The following GULP1 variants were observed in gnomAD, a reference collection of about 807,000 sequenced individuals.
GULP1 encodes the protein PTB domain-containing engulfment adapter protein 1.
Under a neutral mutation model 40.9 loss-of-function variants are expected in GULP1, and 19 were observed. The ratio of observed to expected loss-of-function variants is 0.46; its 90% CI spans 0.32 to 0.68. The LOEUF is 0.68. Among genes scored for constraint, GULP1 ranks in the 30% least tolerant of loss-of-function variants. The pLI, the probability that GULP1 is intolerant of heterozygous loss-of-function variation, is 0.03. For missense variants in GULP1, 312 were observed against 362.2 expected, an observed-to-expected ratio of 0.86 and a Z score of 1.12; for synonymous variants, 119 against 117.6, an observed-to-expected ratio of 1.01 and a Z score of -0.08.
rs1481742925 is a variant in GULP1, at chr2:188,595,177, C to T, written c.*1166C>T. 6.6e-6 allele frequency: 1 copy of T among 151,432 alleles called. No individual in the cohort carries two copies. The highest frequency in any genetic ancestry group is 1.5e-5 in the Non-Finnish European group (1 of 67,682). The allele number at this position is 151,432 out of a possible 1,614,324, so 9.4% of individuals were successfully genotyped here. ...CCTGGACTTTTAAAAATATTTGTTT[C>T]CTATACCTTTACCCTTTACCTAACA... On this transcript the variant is annotated 3_prime_UTR_variant, in exon 12 of 12. Coordinates refer to ENST00000409830, the MANE Select transcript of GULP1 (RefSeq NM_016315.4).
intron 2 of GULP1, among the ~76,000 whole-genome samples, chr2:188,466,801 T>C (rs1003746751): frequency 3.3e-5 from 5 of 152,136 alleles, no homozygotes; most frequent in Admixed American, 6.6e-5. Context: ...TGCTGTCTGG[T>C]AGGTATCTCA....
At chr2:188,375,183 A>G (rs1219247854) in intron 1 of GULP1, among the ~76,000 whole-genome samples, 1 of 152,208 alleles carries the variant, frequency 6.6e-6, no homozygotes, top group Non-Finnish European at 1.5e-5. Flanking sequence ...AAGGTATTCC[A>G]GATTTTACCG....
At chr2:188,544,521 A>G (rs1340190377) in intron 7 of GULP1, among the ~76,000 whole-genome samples, 1 of 151,766 alleles carries the variant, frequency 6.6e-6, no homozygotes, top group Non-Finnish European at 1.5e-5. Flanking sequence ...TAAGTACCCT[A>G]AAACTTAAAG....
At chr2:188,580,533 A>G (rs889849037) in intron 9 of GULP1, among the ~76,000 whole-genome samples, 1 of 137,964 alleles carries the variant, frequency 7.2e-6, no homozygotes, top group Non-Finnish European at 1.6e-5. Context: ...AGCCTGGGCG[A>G]CAGAGCGAGA....
At chr2:188,469,232 G>T (rs2060382590) in intron 2 of GULP1, among the ~76,000 whole-genome samples, 1 of 152,168 alleles carries the variant, frequency 6.6e-6, no homozygotes, top group Non-Finnish European at 1.5e-5. Flanking sequence ...GCATTTTGGA[G>T]GTCTAGGCCT....
intron 2 of GULP1, among the ~76,000 whole-genome samples, chr2:188,384,808 G>A (rs1156935791): frequency 6.6e-6 from 1 of 152,192 alleles, no homozygotes; most frequent in Non-Finnish European, 1.5e-5. Flanking sequence ...ATCCAGTGGG[G>A]CAGTCAAATC....
intron 6 of GULP1, among the ~76,000 whole-genome samples, chr2:188,535,293 TAGTG>T (rs1339068979): frequency 6.6e-6 from 1 of 152,130 alleles, no homozygotes; most frequent in Non-Finnish European, 1.5e-5. Flanking sequence ...ATCACCCAGA[TAGTG>T]AGCACAGTAC....
intron 7 of GULP1, among the ~76,000 whole-genome samples, chr2:188,559,363 G>A (rs1660761594): frequency 6.6e-6 from 1 of 152,174 alleles, no homozygotes; most frequent in Admixed American, 6.5e-5. Flanking sequence ...AATAATTGGG[G>A]TTTGAGAACC....
intron 2 of GULP1, among the ~76,000 whole-genome samples, chr2:188,444,558 A>G (rs935426759): frequency 6.6e-6 from 1 of 152,218 alleles, no homozygotes; most frequent in Non-Finnish European, 1.5e-5. Context: ...TTCATAAGCC[A>G]GAGTGATTTC....
At chr2:188,564,654 C>T (rs926207168) in intron 7 of GULP1, among the ~76,000 whole-genome samples, 1 of 151,726 alleles carries the variant, frequency 6.6e-6, no homozygotes, top group African/African-American at 2.4e-5. Context: ...ATTGATCGAT[C>T]CATGGATTCA....
chr2:188,580,931 A>T (rs1701189246), intron 9 of GULP1, among the ~76,000 whole-genome samples: 1 of 152,196 alleles, frequency 6.6e-6, no homozygotes, highest in Admixed American at 6.5e-5. Context: ...CCAGAATCTT[A>T]TGTGCGATCT....
chr2:188,335,866 T>G (rs2042189298), intron 1 of GULP1, among the ~76,000 whole-genome samples: 1 of 152,160 alleles, frequency 6.6e-6, no homozygotes, highest in Non-Finnish European at 1.5e-5. Flanking sequence ...AGAATTTTGG[T>G]TGTGTGAAAG....
chr2:188,331,135 T>C (rs2041516000), intron 1 of GULP1, among the ~76,000 whole-genome samples: 1 of 152,210 alleles, frequency 6.6e-6, no homozygotes, highest in Non-Finnish European at 1.5e-5. Context: ...GTTTTCTTTT[T>C]CTTTTTGTCT....
At chr2:188,486,841 T>C (rs192644475) in intron 4 of GULP1, among the ~76,000 whole-genome samples, 2 of 152,050 alleles carry the variant, frequency 1.3e-5, no homozygotes, top group East Asian at 3.9e-4. Context: ...GTTTCCAAGC[T>C]AAAGGTTATT....
intron 4 of GULP1, among the ~76,000 whole-genome samples, chr2:188,486,508 G>T (rs935229560): frequency 5.3e-5 from 8 of 151,830 alleles, no homozygotes; most frequent in African/African-American, 1.7e-4. Flanking sequence ...TATTCTCCCT[G>T]GAGAAATATG....
At chr2:188,523,806 G>A (rs1000784908) in intron 5 of GULP1, among the ~76,000 whole-genome samples, 2 of 152,012 alleles carry the variant, frequency 1.3e-5, no homozygotes, top group African/African-American at 4.8e-5. Flanking sequence ...CTTCTATTCT[G>A]GGTAAAGAAA....
chr2:188,375,486 A>G lies in GULP1; in HGVS notation c.-171-8277A>G, dbSNP rs554312684. ...GGCCCAACTTTTCGTTAGGAAATCA[A>G]CCACAGTTTCCTGATTTCCTTCATT... is the stretch of plus-strand genomic sequence containing the variant. On this transcript the variant is annotated intron_variant, in intron 1 of 11. Transcript: ENST00000409830. Among the ~76,000 whole-genome samples the G allele has an allele frequency of 3.9e-5, 6 of 152,326 alleles. No individual in the cohort carries two copies. In the South Asian group the frequency reaches 1.0e-3, roughly 26 times the overall value.
At chr2:188,522,888 T>G in intron 5 of GULP1, 61 bp downstream of exon 5, 1 of 1,040,000 alleles carries the variant, frequency 9.6e-7, no homozygotes, top group Non-Finnish European at 1.5e-6. Flanking sequence ...TTCAGCAGAT[T>G]GATGGAGATC....
At chr2:188,565,985 T>C (rs1158824858) in intron 7 of GULP1, among the ~76,000 whole-genome samples, 1 of 152,130 alleles carries the variant, frequency 6.6e-6, no homozygotes, top group Non-Finnish European at 1.5e-5. Context: ...TTTATAATGA[T>C]AAAAATTGAA....
Sources: gnomAD v4.1 joint callset for allele counts (sites outside exome capture counted in the v4.1 genomes callset) on GRCh38, gnomAD v4.1.1 for gene constraint, MANE v1.5 for transcripts, NCBI Gene and HGNC (gene_info 2026-07-23, HGNC 2026-07-21) for gene names.